The following ARFGEF1 variants were observed in gnomAD, a reference collection of about 807,000 sequenced individuals.
The protein encoded by ARFGEF1 is brefeldin A-inhibited guanine nucleotide-exchange protein 1.
Under a neutral mutation model 231.0 loss-of-function variants are expected in ARFGEF1, and 42 were observed. The observed-to-expected ratio is 0.18, with a 90% confidence interval of 0.14 to 0.24. The LOEUF is 0.24. Ranked by LOEUF, ARFGEF1 falls within the 10% of genes least tolerant of loss-of-function variation. ARFGEF1 has a pLI of 1.00. For missense variants in ARFGEF1, 1,345 were observed against 2,192.0 expected, an observed-to-expected ratio of 0.61 and a Z score of 7.72; for synonymous variants, 710 against 732.3, an observed-to-expected ratio of 0.97 and a Z score of 0.49.
At chr8:67,295,418 A>G (rs1292571371) in intron 5 of ARFGEF1, among the ~76,000 whole-genome samples, 4 of 152,236 alleles carry the variant, frequency 2.6e-5, no homozygotes, top group Non-Finnish European at 5.9e-5. Flanking sequence ...AGGTATATCA[A>G]CATCATGAAG....
chr8:67,232,735 T>C lies in ARFGEF1; in HGVS notation c.3380+120A>G, dbSNP rs956920947. The C allele has an allele frequency of 4.3e-5, 33 of 776,386 alleles. No individual in the cohort carries two copies. In the Admixed American group the frequency reaches 7.9e-4, roughly 19 times the overall value. The allele number at this position is 776,386 out of a possible 1,614,324, so 48.1% of individuals were successfully genotyped here. ...ATCTAAATCACAGCATATCACAATA[T>C]AATTTTATATTACTTTAGAAAAATG... On this transcript the variant is annotated intron_variant, in intron 23 of 38. Transcript: ENST00000262215.
intron 1 of ARFGEF1, among the ~76,000 whole-genome samples, chr8:67,342,743 G>A (rs924321279): frequency 1.3e-5 from 2 of 152,130 alleles, no homozygotes; most frequent in Non-Finnish European, 2.9e-5. Flanking sequence ...TGTTAATTAT[G>A]ATACGGAACC....
At chr8:67,336,190 T>C (rs1808340479) in intron 1 of ARFGEF1, among the ~76,000 whole-genome samples, 1 of 152,230 alleles carries the variant, frequency 6.6e-6, no homozygotes. Context: ...CTTAAATACT[T>C]GAGCCCAGAC....
chr8:67,276,867 G>A (rs897911680), intron 8 of ARFGEF1, among the ~76,000 whole-genome samples: 2 of 152,136 alleles, frequency 1.3e-5, no homozygotes, highest in African/African-American at 4.8e-5. Flanking sequence ...TCTCCAATGA[G>A]CATTTCCTTT....
At chr8:67,252,386 C>T (rs1216584850) in intron 18 of ARFGEF1, among the ~76,000 whole-genome samples, 1 of 151,180 alleles carries the variant, frequency 6.6e-6, no homozygotes, top group African/African-American at 2.4e-5. Context: ...GGCCATAACA[C>T]TCCAGGGTAA....
chr8:67,234,919 C>T (rs917453345), intron 22 of ARFGEF1, among the ~76,000 whole-genome samples: 4 of 151,696 alleles, frequency 2.6e-5, no homozygotes, highest in Admixed American at 1.3e-4. Flanking sequence ...AAACTTGACA[C>T]GCACAGCATG....
chr8:67,318,034 G>C (rs187205192), intron 1 of ARFGEF1, among the ~76,000 whole-genome samples: 1 of 151,500 alleles, frequency 6.6e-6, no homozygotes, highest in South Asian at 2.1e-4. Context: ...TCAGGAGATC[G>C]AGACCATCCT....
intron 8 of ARFGEF1, 107 bp downstream of exon 8, chr8:67,277,175 A>C (rs887840765): frequency 8.7e-7 from 1 of 1,149,474 alleles, no homozygotes; most frequent in African/African-American, 1.6e-5. Flanking sequence ...AACTAAATAA[A>C]AATCAGGCAG....
chr8:67,342,296 T>C (rs1267653979), intron 1 of ARFGEF1, among the ~76,000 whole-genome samples: 7 of 152,164 alleles, frequency 4.6e-5, no homozygotes, highest in African/African-American at 1.2e-4. Context: ...CCTAACCTCA[T>C]AGGTAGGAGG....
intron 5 of ARFGEF1, among the ~76,000 whole-genome samples, chr8:67,184,027 A>G (rs1250157815): frequency 6.6e-6 from 1 of 151,842 alleles, no homozygotes; most frequent in Non-Finnish European, 1.5e-5. Context: ...TAATTTTTGT[A>G]TTTTTAGTAG....
chr8:67,307,505 C>T (rs1806803546), intron 1 of ARFGEF1, among the ~76,000 whole-genome samples: 1 of 152,174 alleles, frequency 6.6e-6, no homozygotes, highest in African/African-American at 2.4e-5. Context: ...CCTAGTAAGG[C>T]AGGGACATGT....
At chr8:67,305,687 T>G (rs1319556427) in intron 1 of ARFGEF1, among the ~76,000 whole-genome samples, 2 of 152,178 alleles carry the variant, frequency 1.3e-5, no homozygotes, top group Non-Finnish European at 2.9e-5. Context: ...CCCAATACAT[T>G]GTGCTATATT....
At chr8:67,322,788 T>C (rs1050505392) in intron 1 of ARFGEF1, among the ~76,000 whole-genome samples, 2 of 152,220 alleles carry the variant, frequency 1.3e-5, no homozygotes, top group Non-Finnish European at 2.9e-5. Context: ...TCTATTCCCA[T>C]AGCTTCCTCC....
At position 67,277,558 on chromosome 8, in the gene ARFGEF1, A is replaced by G. The variant is rs547960198; in HGVS notation, c.1028-101T>C. ...AAAATGAAACAGTGGCAGGAAAGCA[A>G]TGTGAAGTAAAATATGTATTGGCAC... On this transcript the variant is annotated intron_variant, in intron 7 of 38. Coordinates refer to ENST00000262215, the MANE Select transcript of ARFGEF1 (RefSeq NM_006421.5). 3.2e-4 allele frequency: 350 copies of G among 1,096,326 alleles called. No individual in the cohort carries two copies. The African/African-American group carries it at 4.9e-3, about 15-fold the overall frequency. 67.9% of individuals were successfully genotyped at this position (1,096,326 alleles called of 1,614,324 possible).
chr8:67,299,236 A>C lies in ARFGEF1; in HGVS notation c.432T>G (p.Asp144Glu). Residue 144 changes from aspartate (D) to glutamate (E), a missense_variant, in exon 4 of 39, where the codon GAT becomes GAG. Asp to Glu is a conservative substitution (Grantham distance 45). This residue lies in a region of ARFGEF1 where 398 missense variants were observed against 463.2 expected (regional missense o/e 0.86). Coordinates refer to ENST00000262215, the MANE Select transcript of ARFGEF1 (RefSeq NM_006421.5). ...TTATTATCTGCAGCTGAACTCCTTC[A>C]TCTGTCTGAGGGCCCTGAAAGCAGC... Reference protein sequence around the residue: ...ICGCFQGPQTDEGVQLQIIKA... With the variant: ...ICGCFQGPQTEEGVQLQIIKA... 1 of 1,572,464 alleles carries C rather than the reference A, an allele frequency of 6.4e-7. No homozygotes were observed. The highest frequency in any genetic ancestry group is 8.6e-7 in the Non-Finnish European group (1 of 1,158,778).
In ARFGEF1 at chr8:67,198,726, C is replaced by G; in HGVS notation, c.*208G>C. On this transcript the variant is annotated 3_prime_UTR_variant, in exon 39 of 39. Coordinates refer to ENST00000262215, the MANE Select transcript of ARFGEF1 (RefSeq NM_006421.5). ...TGACACTGTTTAAACAGGCTTTCTG[C>G]TCAACATGAGGCCAATATAACACAC... 7.5e-7 allele frequency: 1 copy of G among 1,329,204 alleles called. No individual in the cohort carries two copies. Among genetic ancestry groups the G allele is most frequent in the Non-Finnish European group, 9.6e-7 (1 of 1,041,890 alleles). 82.3% of individuals were successfully genotyped at this position (1,329,204 alleles called of 1,614,324 possible). A position where few individuals can be genotyped will look rare whatever the true frequency, so the allele number is the denominator to read the frequency against.
intron 7 of ARFGEF1, among the ~76,000 whole-genome samples, chr8:67,280,875 A>G (rs1483126801): frequency 6.6e-6 from 1 of 152,234 alleles, no homozygotes; most frequent in African/African-American, 2.4e-5. Context: ...AATAGGCAAA[A>G]ACATAAAGTT....
intron 1 of ARFGEF1, among the ~76,000 whole-genome samples, chr8:67,341,288 T>C (rs968328968): frequency 1.3e-5 from 2 of 152,142 alleles, no homozygotes; most frequent in African/African-American, 4.8e-5. Flanking sequence ...ATGAAAAATC[T>C]GAATTATAAA....
At chr8:67,322,409 G>A (rs999893012) in intron 1 of ARFGEF1, among the ~76,000 whole-genome samples, 2 of 152,184 alleles carry the variant, frequency 1.3e-5, no homozygotes, top group Admixed American at 6.5e-5. Context: ...ATAAATAGCT[G>A]TTATCAGCCA....
Sources: allele counts gnomAD v4.1 joint callset (sites outside exome capture counted in the v4.1 genomes callset), GRCh38; gene constraint gnomAD v4.1.1; regional missense constraint gnomAD v4.1.1; transcripts MANE v1.5; gene names NCBI Gene and HGNC (gene_info 2026-07-23, HGNC 2026-07-21).